Variants in RAB39A observed in about 807,000 individuals in gnomAD.
RAB39A encodes the protein RAB39A, member RAS oncogene family, also known as ras-related protein Rab-39A.
RAB39A carries 17 observed loss-of-function variants against 20.9 expected under a neutral mutation model. The observed-to-expected ratio is 0.81, with a 90% confidence interval of 0.56 to 1.22. The LOEUF is 1.22. Among genes scored for constraint, RAB39A ranks in the 50% most tolerant of loss-of-function variants. The probability of loss-of-function intolerance (pLI) is 0.00; values close to 1 mark genes in which losing one functional copy is unlikely to be tolerated. For synonymous variants in RAB39A, 99 were observed against 103.4 expected (o/e 0.96, Z 0.26); for missense variants, 234 against 270.5 (o/e 0.87, Z 0.95).
At chr11:107,934,051 C>G (rs765835842) in intron 1 of RAB39A, among the ~76,000 whole-genome samples, 2 of 152,008 alleles carry the variant, frequency 1.3e-5, no homozygotes, top group African/African-American at 4.8e-5. Flanking sequence ...ATCAAAGGCT[C>G]GAAGAAGTAT....
chr11:107,946,428 GTGTGTGTGTATATA>G (rs1335559967), intron 1 of RAB39A, among the ~76,000 whole-genome samples: 111 of 19,746 alleles, frequency 5.6e-3, no homozygotes, highest in East Asian at 0.044. Flanking sequence ...GTGTGTGTGT[GTGTGTGTGTATATA>G]TATATATATA....
rs61906951 is a variant in RAB39A, at chr11:107,943,105, G to A, written c.227+14310G>A. On this transcript the variant is annotated intron_variant, in intron 1 of 1. Coordinates refer to ENST00000320578, the MANE Select transcript of RAB39A (RefSeq NM_017516.3). ...AGTAACAGTAATGAACTTTAACACT[G>A]AAGTGGAGAAACTTCTGTGAAATGG... Among the ~76,000 whole-genome samples, 592 of 152,290 alleles carry A rather than the reference G, an allele frequency of 3.9e-3. 1 individual carries two copies. The highest frequency in any genetic ancestry group is 0.017 in the Middle Eastern group (5 of 294).
chr11:107,937,425 C>T (rs1861206054), intron 1 of RAB39A, among the ~76,000 whole-genome samples: 1 of 152,122 alleles, frequency 6.6e-6, no homozygotes, highest in South Asian at 2.1e-4. Flanking sequence ...CAGCCATGAG[C>T]CACTGCACCA....
intron 1 of RAB39A, among the ~76,000 whole-genome samples, chr11:107,949,225 T>A (rs1230717603): frequency 6.6e-6 from 1 of 151,870 alleles, no homozygotes; most frequent in Non-Finnish European, 1.5e-5. Context: ...GCAGGAGAAT[T>A]GCTTGAACCT....
chr11:107,942,523 C>T (rs1310083402), intron 1 of RAB39A, among the ~76,000 whole-genome samples: 1 of 152,142 alleles, frequency 6.6e-6, no homozygotes, highest in African/African-American at 2.4e-5. Flanking sequence ...GAGATGGGGT[C>T]TTGCTCTGTT....
chr11:107,934,604 T>C (rs1861174062), intron 1 of RAB39A, among the ~76,000 whole-genome samples: 1 of 152,034 alleles, frequency 6.6e-6, no homozygotes, highest in African/African-American at 2.4e-5. Context: ...ATTAACTTGG[T>C]TAAGGGCTGT....
intron 1 of RAB39A, among the ~76,000 whole-genome samples, chr11:107,944,607 G>A (rs944298470): frequency 3.3e-5 from 5 of 151,910 alleles, no homozygotes; most frequent in East Asian, 1.9e-4. Flanking sequence ...GGCTGGTCTC[G>A]AACTCCTGAC....
intron 1 of RAB39A, among the ~76,000 whole-genome samples, chr11:107,959,465 G>A (rs1861473276): frequency 1.3e-5 from 2 of 152,212 alleles, no homozygotes; most frequent in South Asian, 4.1e-4. Context: ...GCCTGCCAAA[G>A]ATGGTGGGAG....
rs1861508062 is a variant in RAB39A at position 107,962,445 on chromosome 11, G to A, written c.*73G>A. ...AGGATAAATACCAACATTAACAGCA[G>A]AATGATGCAATGAAAGAATTTAAAA... On this transcript the variant is annotated 3_prime_UTR_variant, in exon 2 of 2. Transcript: ENST00000320578. 1 of 1,336,166 alleles carries A rather than the reference G, an allele frequency of 7.5e-7. No individual in the cohort carries two copies. The highest frequency in any genetic ancestry group is 1.0e-6 in the Non-Finnish European group (1 of 979,468). The allele number at this position is 1,336,166 out of a possible 1,614,324, so 82.8% of individuals were successfully genotyped here.
intron 1 of RAB39A, among the ~76,000 whole-genome samples, chr11:107,955,275 G>A (rs141904925): frequency 0.012 from 1,749 of 152,078 alleles, 38 homozygotes; most frequent in African/African-American, 0.04. Context: ...GGGATTACAG[G>A]CATGAGCCAC....
At chr11:107,938,303 T>A (rs1233046645) in intron 1 of RAB39A, among the ~76,000 whole-genome samples, 1 of 135,820 alleles carries the variant, frequency 7.4e-6, no homozygotes, top group Non-Finnish European at 1.5e-5. Flanking sequence ...GAGGTTGCAG[T>A]GAGCCGAGAT....
chr11:107,935,838 A>G (rs542359592), intron 1 of RAB39A, among the ~76,000 whole-genome samples: 1 of 151,072 alleles, frequency 6.6e-6, no homozygotes, highest in East Asian at 1.9e-4. Flanking sequence ...CCTTAGCCAT[A>G]AACATCTAGA....
intron 1 of RAB39A, among the ~76,000 whole-genome samples, chr11:107,933,900 C>T (rs1413607009): frequency 6.6e-6 from 1 of 151,966 alleles, no homozygotes; most frequent in Non-Finnish European, 1.5e-5. Context: ...AAGTGATCCA[C>T]CCGCCTCAGC....
chr11:107,937,604 C>G lies in RAB39A; in HGVS notation c.227+8809C>G, dbSNP rs375575009. ...AGGCTGGAGTGCAGTGGCGCAATCT[C>G]GGCTCACTGCAAGCTCCGCCTCCTG... On this transcript the variant is annotated intron_variant, in intron 1 of 1. Coordinates refer to ENST00000320578, the MANE Select transcript of RAB39A (RefSeq NM_017516.3). Among the ~76,000 whole-genome samples the G allele has an allele frequency of 2.6e-4, 39 of 151,322 alleles. No individual in the cohort carries two copies. In the East Asian group the frequency reaches 5.0e-3, roughly 20 times the overall value.
chr11:107,934,334 T>C (rs1388158155), intron 1 of RAB39A, among the ~76,000 whole-genome samples: 1 of 152,042 alleles, frequency 6.6e-6, no homozygotes, highest in Non-Finnish European at 1.5e-5. Context: ...CTCAGGAGGC[T>C]GAAGTAGGAG....
chr11:107,941,726 A>C (rs1265903585), intron 1 of RAB39A, among the ~76,000 whole-genome samples: 4 of 152,232 alleles, frequency 2.6e-5, no homozygotes, highest in Non-Finnish European at 5.9e-5. Flanking sequence ...GATTTCTTAG[A>C]TATAAAAAGG....
chr11:107,929,098 G>C (rs1358544576), intron 1 of RAB39A, among the ~76,000 whole-genome samples: 1 of 152,134 alleles, frequency 6.6e-6, no homozygotes, highest in Non-Finnish European at 1.5e-5. Context: ...CAGCCCCTGT[G>C]GGTATTTTTA....
chr11:107,948,000 A>ACT (rs1164489822), intron 1 of RAB39A, among the ~76,000 whole-genome samples: 1 of 151,450 alleles, frequency 6.6e-6, no homozygotes, highest in Non-Finnish European at 1.5e-5. Flanking sequence ...ACACACACAC[A>ACT]CACAAGTAAA....
At chr11:107,931,396 T>C (rs1368306410) in intron 1 of RAB39A, among the ~76,000 whole-genome samples, 1 of 152,268 alleles carries the variant, frequency 6.6e-6, no homozygotes, top group Non-Finnish European at 1.5e-5. Flanking sequence ...AGGGAATGTT[T>C]ACTGACAGTG....
Sources: allele counts gnomAD v4.1 joint callset (sites outside exome capture counted in the v4.1 genomes callset), GRCh38; gene constraint gnomAD v4.1.1; transcripts MANE v1.5; gene names NCBI Gene and HGNC (gene_info 2026-07-23, HGNC 2026-07-21).